The following MCFD2 variants were observed in gnomAD, a reference collection of about 807,000 sequenced individuals.
MCFD2 encodes multiple coagulation factor deficiency protein 2.
A neutral mutation model predicts 12.8 loss-of-function variants in MCFD2; 11 were observed. That is an observed-to-expected ratio of 0.86 (90% CI 0.54 to 1.42). The LOEUF (loss-of-function observed/expected upper bound fraction) is 1.42, where lower values mean the gene tolerates loss of function less well. Ranked by LOEUF, MCFD2 falls within the 40% of genes most tolerant of loss-of-function variation. MCFD2 has a pLI of 0.00. For missense variants in MCFD2, 191 were observed against 178.6 expected (o/e 1.07, Z -0.40); for synonymous variants, 70 against 68.1 (o/e 1.03, Z -0.14).
intron 1 of MCFD2, among the ~76,000 whole-genome samples, chr2:46,923,313 A>G (rs564227883): frequency 6.6e-6 from 1 of 152,152 alleles, no homozygotes; most frequent in African/African-American, 2.4e-5. Flanking sequence ...AAGAGTCCCA[A>G]CCTTCTAATC....
chr2:46,927,220 A>C (rs1447086674), intron 1 of MCFD2, among the ~76,000 whole-genome samples: 1 of 152,156 alleles, frequency 6.6e-6, no homozygotes, highest in East Asian at 1.9e-4. Context: ...AACCAATGAA[A>C]GATTACAAGA....
chr2:46,903,733 CAA>C lies in MCFD2; in HGVS notation c.*1728_*1729del, dbSNP rs1458944195. 6.6e-6 allele frequency: 1 copy of C among 152,160 alleles called. No homozygotes were observed. The highest frequency in any genetic ancestry group is 2.4e-5 in the African/African-American group (1 of 41,432). 9.4% of individuals were successfully genotyped at this position (152,160 alleles called of 1,614,324 possible). ...ACTAGCGGAAGAAATTTCTAAGCAG[CAA>C]AGTGTTCAACAGGTGACTTGGGTGC... On this transcript the variant is annotated 3_prime_UTR_variant, in exon 4 of 4. Coordinates refer to ENST00000319466, the MANE Select transcript of MCFD2 (RefSeq NM_139279.6).
At chr2:46,916,093 C>T (rs1046136502), upstream of MCFD2, 3 of 985,546 alleles carry the variant, frequency 3.0e-6, no homozygotes, top group Non-Finnish European at 3.6e-6. Flanking sequence ...GTTCCACGGG[C>T]GACGTAGGAT....
chr2:46,928,176 G>A (rs1245682640), intron 1 of MCFD2, among the ~76,000 whole-genome samples: 1 of 151,890 alleles, frequency 6.6e-6, no homozygotes, highest in Non-Finnish European at 1.5e-5. Context: ...ACAGGCGTGA[G>A]TCATTGCACC....
rs1041638738 is a variant in MCFD2, at chr2:46,941,570, A to G, written c.-8+2T>C. 3 of 1,557,164 alleles carry G rather than the reference A, an allele frequency of 1.9e-6. No individual in the cohort carries two copies. In the East Asian group the frequency reaches 7.2e-5, roughly 38 times the overall value. On this transcript the variant is annotated splice_donor_variant, in intron 1 of 2. Coordinates refer to the MCFD2 transcript ENST00000409147. LOFTEE classifies it low-confidence loss of function (5UTR_SPLICE). This position sits in a 1 kb window ranked among gnomAD's most constrained non-coding sequence, Gnocchi z 4.2. ...GCTGCGAAGGGCGCGCACGGCTCCT[A>G]CCTGAAGGTGGAGAGCGAGCTGGAG...
upstream of MCFD2, chr2:46,917,112 T>G (rs1304761296): frequency 1.4e-6 from 1 of 692,122 alleles, no homozygotes; most frequent in Non-Finnish European, 2.6e-6. Context: ...CACCTTCATC[T>G]GAGATTGAAA....
upstream of MCFD2, chr2:46,915,884 C>T (rs1024742313): frequency 3.6e-5 from 35 of 984,700 alleles, no homozygotes; most frequent in South Asian, 4.7e-5. Flanking sequence ...CGCCGGGCCC[C>T]TCCCGCTGGC....
intron 1 of MCFD2, among the ~76,000 whole-genome samples, chr2:46,923,280 C>T (rs1246666314): frequency 6.6e-6 from 1 of 152,230 alleles, no homozygotes; most frequent in Non-Finnish European, 1.5e-5. Flanking sequence ...CCTCTCTCCT[C>T]CCTGGAGGTT....
In MCFD2 at chr2:46,904,212, G is replaced by A. The variant is rs1294565097; in HGVS notation, c.*1251C>T. ...CCAGGCAAACGTTTGCTGCAGGGGA[G>A]AGGCCCTCTCAGCGGCAGGGGAGAG... On this transcript the variant is annotated 3_prime_UTR_variant, in exon 4 of 4. Transcript: ENST00000319466. 2 of 132,252 alleles carry A rather than the reference G, an allele frequency of 1.5e-5. No homozygotes were observed. Among genetic ancestry groups the A allele is most frequent in the Non-Finnish European group, 3.1e-5 (2 of 65,554 alleles). The allele number at this position is 132,252 out of a possible 1,614,324, so 8.2% of individuals were successfully genotyped here. A position where few individuals can be genotyped will look rare whatever the true frequency, so the allele number is the denominator to read the frequency against.
chr2:46,908,027 C>A lies in MCFD2; in HGVS notation c.150-58G>T. ...ACAGATACTGGGATCATGCTGAAAT[C>A]TTAAGGACTCTGAAAAGTTCAAGAT... On this transcript the variant is annotated intron_variant, in intron 2 of 3. Transcript: ENST00000319466. The surrounding 1 kb of genome is among the most constrained non-coding windows in gnomAD (Gnocchi z 4.5). 6.3e-7 allele frequency: 1 copy of A among 1,595,444 alleles called. No individual in the cohort carries two copies. The highest frequency in any genetic ancestry group is 1.7e-5 in the Admixed American group (1 of 59,684).
At chr2:46,935,191 A>C (rs560235881) in intron 1 of MCFD2, among the ~76,000 whole-genome samples, 1 of 152,212 alleles carries the variant, frequency 6.6e-6, no homozygotes, top group African/African-American at 2.4e-5. Flanking sequence ...TCCCTGCTGG[A>C]AAAGAGCTGT....
At chr2:46,928,231 A>G (rs773489762) in intron 1 of MCFD2, among the ~76,000 whole-genome samples, 11 of 151,734 alleles carry the variant, frequency 7.2e-5, no homozygotes, top group Non-Finnish European at 1.3e-4. Flanking sequence ...AATTACTACC[A>G]GTTTTGCAGC....
At position 46,907,808 on chromosome 2, in the gene MCFD2, A is replaced by AC. The variant is rs748439070; in HGVS notation, c.309+1dup. ...AGTCCCCCAAGCCACTGCCAGACCT[A>AC]CCTCCTTATGGACATGAGTGATGGC... On this transcript the variant is annotated splice_donor_variant, in intron 3 of 3. Transcript: ENST00000319466. LOFTEE classifies it high-confidence loss of function. This position sits in a 1 kb window ranked among gnomAD's most constrained non-coding sequence, Gnocchi z 4.1. The AC allele has an allele frequency of 6.2e-7, 1 of 1,614,062 alleles. No homozygotes were observed. The highest frequency in any genetic ancestry group is 1.1e-5 in the South Asian group (1 of 91,082).
intron 1 of MCFD2, among the ~76,000 whole-genome samples, chr2:46,912,176 A>T (rs1668514654): frequency 6.6e-6 from 1 of 151,796 alleles, no homozygotes; most frequent in Admixed American, 6.6e-5. Flanking sequence ...CTCTACTAAA[A>T]ATACAAAAAA....
At chr2:46,927,928 C>G (rs1669481938) in intron 1 of MCFD2, among the ~76,000 whole-genome samples, 1 of 104,136 alleles carries the variant, frequency 9.6e-6, no homozygotes, top group Non-Finnish European at 1.8e-5. Flanking sequence ...GGGTCTCACT[C>G]TGTCACCCAG....
chr2:46,908,051 A>C lies in MCFD2; in HGVS notation c.150-82T>G, dbSNP rs559317850. 252 of 1,493,388 alleles carry C rather than the reference A, an allele frequency of 1.7e-4. 1 individual carries two copies. The African/African-American group carries it at 2.8e-3, about 17-fold the overall frequency. The allele number at this position is 1,493,388 out of a possible 1,614,324, so 92.5% of individuals were successfully genotyped here. A position where few individuals can be genotyped will look rare whatever the true frequency, so the allele number is the denominator to read the frequency against. The stretch of plus-strand genomic sequence containing the variant: ...TCTTAAGGACTCTGAAAAGTTCAAG[A>C]TCTTAAACTTCCTCCAGCTCAGAAA... On this transcript the variant is annotated intron_variant, in intron 2 of 3. Transcript: ENST00000319466. The surrounding 1 kb of genome is among the most constrained non-coding windows in gnomAD (Gnocchi z 4.5).
At chr2:46,930,436 A>G (rs183513282) in intron 1 of MCFD2, among the ~76,000 whole-genome samples, 160 of 110,236 alleles carry the variant, frequency 1.5e-3, no homozygotes, top group East Asian at 7.1e-3. Context: ...TATTCCTAGG[A>G]AAAAAAAAAA....
chr2:46,914,689 C>G (rs951952564), intron 1 of MCFD2, among the ~76,000 whole-genome samples: 8 of 152,212 alleles, frequency 5.3e-5, no homozygotes, highest in African/African-American at 1.9e-4. Context: ...AAAGAGAGAC[C>G]GGCAGGCAGA....
chr2:46,909,193 C>G lies in MCFD2; in HGVS notation c.-6-16G>C. On this transcript the variant is annotated splice_polypyrimidine_tract_variant and intron_variant, in intron 1 of 3. Transcript: ENST00000319466. Reference sequence around the variant, plus strand: ...TCATCAATATCTGTGAGATGGGAAACACAGAAGAGGAAGGCAGAGCATCAG... The same window carrying G: ...TCATCAATATCTGTGAGATGGGAAAGACAGAAGAGGAAGGCAGAGCATCAG... 2 of 1,610,740 alleles carry G rather than the reference C, an allele frequency of 1.2e-6. No individual in the cohort carries two copies. The highest frequency in any genetic ancestry group is 1.7e-6 in the Non-Finnish European group (2 of 1,178,280).
Sources: allele counts gnomAD v4.1 joint callset (sites outside exome capture counted in the v4.1 genomes callset), GRCh38; gene constraint gnomAD v4.1.1; non-coding constraint Gnocchi (gnomAD v3.1); transcripts MANE v1.5; gene names NCBI Gene and HGNC (gene_info 2026-07-23, HGNC 2026-07-21).